TRAF3IP2: variants seen among roughly 807,000 people sequenced by gnomAD.
The protein encoded by TRAF3IP2 is TRAF3 interacting protein 2.
Under a neutral mutation model 57.9 loss-of-function variants are expected in TRAF3IP2, and 35 were observed. The observed-to-expected ratio is 0.60, with a 90% confidence interval of 0.46 to 0.80. The LOEUF is 0.80. TRAF3IP2 is among the 30% of genes least tolerant of loss of function. The probability of loss-of-function intolerance (pLI) is 0.00; values close to 1 mark genes in which losing one functional copy is unlikely to be tolerated. For missense variants in TRAF3IP2, 556 were observed against 706.4 expected (o/e 0.79, Z 2.41); for synonymous variants, 251 against 268.9 (o/e 0.93, Z 0.65).
intron 4 of TRAF3IP2, among the ~76,000 whole-genome samples, chr6:111,574,164 T>TA (rs1795910521): frequency 6.6e-6 from 1 of 152,206 alleles, no homozygotes; most frequent in African/African-American, 2.4e-5. Flanking sequence ...CTTAAGAAAG[T>TA]GTTCAGAAAT....
At chr6:111,594,603 G>C in intron 1 of TRAF3IP2, 1 of 409,874 alleles carries the variant, frequency 2.4e-6, no homozygotes, top group Non-Finnish European at 4.9e-6. Context: ...TCATCCTCTG[G>C]TGGGAATTCT....
rs573492202 is a variant in TRAF3IP2, at chr6:111,564,594, C to T, written c.1477-1555G>A. On this transcript the variant is annotated intron_variant, in intron 7 of 8. Transcript: ENST00000368761. ...CAAGTTCTTGTTGTTCCAGGGTTTT[C>T]TGTTGCCTAGAGGGGTGCAGGAAGT... 8.5e-5 allele frequency among the ~76,000 whole-genome samples: 13 copies of T among 152,334 alleles called. No individual in the cohort carries two copies. The South Asian group carries it at 2.7e-3, about 32-fold the overall frequency.
chr6:111,597,422 G>A (rs745450752), intron 1 of TRAF3IP2, among the ~76,000 whole-genome samples: 18 of 152,134 alleles, frequency 1.2e-4, no homozygotes, highest in Admixed American at 2.0e-4. Flanking sequence ...CTACCACACA[G>A]GCCCCCTCCA....
intron 1 of TRAF3IP2, chr6:111,601,223 GC>G (rs770972641): frequency 6.4e-6 from 5 of 779,022 alleles, no homozygotes; most frequent in Non-Finnish European, 1.2e-5. Flanking sequence ...ATGGAAGCAG[GC>G]CACCTGTGTT....
At chr6:111,590,326 C>A (rs1281999948) in intron 2 of TRAF3IP2, among the ~76,000 whole-genome samples, 1 of 152,122 alleles carries the variant, frequency 6.6e-6, no homozygotes, top group Non-Finnish European at 1.5e-5. Context: ...AGATGCCATG[C>A]TGGTGTTAGG....
intron 1 of TRAF3IP2, chr6:111,601,288 C>T: frequency 1.4e-6 from 1 of 726,262 alleles, no homozygotes; most frequent in Non-Finnish European, 2.6e-6. Flanking sequence ...CACGCCATCA[C>T]AAGAGGATAC....
chr6:111,576,164 T>C (rs1023903943), intron 3 of TRAF3IP2, among the ~76,000 whole-genome samples: 1 of 152,180 alleles, frequency 6.6e-6, no homozygotes, highest in Non-Finnish European at 1.5e-5. Flanking sequence ...AGATGGTTGA[T>C]GTTATAGGCA....
chr6:111,603,696 A>G (rs1339068210), intron 1 of TRAF3IP2, among the ~76,000 whole-genome samples: 1 of 152,186 alleles, frequency 6.6e-6, no homozygotes, highest in East Asian at 1.9e-4. Flanking sequence ...GAAAGTCACT[A>G]ACTCCTTAAT....
At chr6:111,564,552 A>T (rs1795560431) in intron 7 of TRAF3IP2, among the ~76,000 whole-genome samples, 1 of 152,214 alleles carries the variant, frequency 6.6e-6, no homozygotes, top group Non-Finnish European at 1.5e-5. Context: ...GTACCTCTGC[A>T]CTACCTCTGT....
At chr6:111,598,249 A>G (rs1796758892) in intron 1 of TRAF3IP2, 1 of 186,414 alleles carries the variant, frequency 5.4e-6, no homozygotes, top group African/African-American at 2.4e-5. Flanking sequence ...TACTTTGCCA[A>G]GGGAAATGTG....
chr6:111,598,071 G>A, intron 1 of TRAF3IP2: 1 of 362,304 alleles, frequency 2.8e-6, no homozygotes, highest in Non-Finnish European at 5.4e-6. Flanking sequence ...GGGAGAGCGG[G>A]GCTGGAGGGC....
chr6:111,595,839 A>AC (rs1266476654), intron 1 of TRAF3IP2, among the ~76,000 whole-genome samples: 1 of 152,162 alleles, frequency 6.6e-6, no homozygotes, highest in East Asian at 1.9e-4. Context: ...AAAAAAAAAA[A>AC]AAAAAGGAGG....
In TRAF3IP2 at chr6:111,578,382, C is replaced by T. The variant is rs932135925; in HGVS notation, c.1022+1815G>A. The stretch of plus-strand genomic sequence containing the variant: ...CTGGCCCAGCACGGTGGCTAACACC[C>T]GTAATCCCAGCACTTTGGGAGGCTG... On this transcript the variant is annotated intron_variant, in intron 3 of 8. Coordinates refer to ENST00000368761, the MANE Select transcript of TRAF3IP2 (RefSeq NM_147686.4). 5.9e-5 allele frequency among the ~76,000 whole-genome samples: 9 copies of T among 152,186 alleles called. No homozygotes were observed. In the East Asian group the frequency reaches 1.2e-3, roughly 20 times the overall value.
chr6:111,569,722 C>A (rs1795770473), intron 5 of TRAF3IP2, among the ~76,000 whole-genome samples: 1 of 152,150 alleles, frequency 6.6e-6, no homozygotes, highest in Non-Finnish European at 1.5e-5. Flanking sequence ...TGCCACTGCA[C>A]CCTAGCCTGG....
chr6:111,585,943 A>G (rs1883137), intron 2 of TRAF3IP2, among the ~76,000 whole-genome samples: 56,732 of 152,064 alleles, frequency 0.37, 12,315 homozygotes, highest in South Asian at 0.49. Context: ...TGTAAACCAA[A>G]TCCTAAATGA....
rs1796492813 is a variant in TRAF3IP2, at chr6:111,591,017, T to G, written c.829+241A>C. Among the ~76,000 whole-genome samples, 1 of 152,210 alleles carries G rather than the reference T, an allele frequency of 6.6e-6. No individual in the cohort carries two copies. On this transcript the variant is annotated intron_variant, in intron 2 of 8. Transcript: ENST00000368761. This position sits in a 1 kb window ranked among gnomAD's most constrained non-coding sequence, Gnocchi z 4.9. ...CTAACCCAGACAGAGGAACCCATTT[T>G]GTCCTTAAAGGTCCCTAGAGAAGGA...
chr6:111,604,115 C>T (rs145088122), intron 1 of TRAF3IP2, among the ~76,000 whole-genome samples: 29 of 152,338 alleles, frequency 1.9e-4, no homozygotes, highest in Non-Finnish European at 1.2e-4. Flanking sequence ...ACACGGACTA[C>T]ACCAGGACAT....
intron 2 of TRAF3IP2, among the ~76,000 whole-genome samples, chr6:111,582,986 A>T (rs1583232570): frequency 6.6e-6 from 1 of 152,148 alleles, no homozygotes; most frequent in African/African-American, 2.4e-5. Flanking sequence ...CCCAAATATC[A>T]CCTGTCCAAA....
Position 111,559,252 on chromosome 6 carries a change from C to T in TRAF3IP2, c.*153G>A. On this transcript the variant is annotated 3_prime_UTR_variant, in exon 9 of 9. Transcript: ENST00000368761. ...GTGTGTGGAGGTCTCCGGGGAAGAGCTCTGCACAACAGGTTTCCTGGGGGC... is the reference window on the plus strand; with the variant it reads ...GTGTGTGGAGGTCTCCGGGGAAGAGTTCTGCACAACAGGTTTCCTGGGGGC... The T allele has an allele frequency of 9.8e-7, 1 of 1,020,478 alleles. No individual in the cohort carries two copies. Among genetic ancestry groups the T allele is most frequent in the Non-Finnish European group, 1.4e-6 (1 of 704,112 alleles). 63.2% of individuals were successfully genotyped at this position (1,020,478 alleles called of 1,614,324 possible).
Sources: allele counts gnomAD v4.1 joint callset (sites outside exome capture counted in the v4.1 genomes callset), GRCh38; gene constraint gnomAD v4.1.1; non-coding constraint Gnocchi (gnomAD v3.1); transcripts MANE v1.5; gene names NCBI Gene and HGNC (gene_info 2026-07-23, HGNC 2026-07-21).